The following POMC variants were observed in gnomAD, a reference collection of about 807,000 sequenced individuals.
POMC encodes the protein proopiomelanocortin, also known as pro-opiomelanocortin.
In POMC, 19 loss-of-function variants were observed where a neutral mutation model predicts 18.5. The observed-to-expected ratio is 1.03, with a 90% CI of 0.72 to 1.51. POMC has a LOEUF of 1.51. POMC is among the 40% of genes most tolerant of loss of function. POMC has a pLI of 0.00. For synonymous variants in POMC, 179 were observed against 161.9 expected, an observed-to-expected ratio of 1.11 and a Z score of -0.80; for missense variants, 451 against 379.0, an observed-to-expected ratio of 1.19 and a Z score of -1.58.
chr2:25,167,730 C>A (rs1000414528), intron 1 of POMC, among the ~76,000 whole-genome samples: 3 of 152,218 alleles, frequency 2.0e-5, no homozygotes, highest in Non-Finnish European at 2.9e-5. Flanking sequence ...ATCCGGAAGG[C>A]AGGGCGTTCA....
At position 25,165,467 on chromosome 2, in the gene POMC, T is replaced by C. The variant is rs182121841; in HGVS notation, c.-20-675A>G. On this transcript the variant is annotated intron_variant, in intron 1 of 2. Transcript: ENST00000395826. ...ACTATTACCCAGACTCCAGTAACTT[T>C]GGAGAGCTTCGTTTTTAAAGCAGAT... 5.8e-4 allele frequency among the ~76,000 whole-genome samples: 89 copies of C among 152,372 alleles called. No homozygotes were observed. Among genetic ancestry groups the C allele is most frequent in the Non-Finnish European group, 8.4e-4 (57 of 68,032 alleles).
chr2:25,164,555 C>G lies in POMC; in HGVS notation c.132+86G>C. ...CGCCTATCACTGGGAATGAATTTCC[C>G]TTTCCCCACACCCTTTTCTTTTGAG... is the stretch of plus-strand genomic sequence containing the variant. On this transcript the variant is annotated intron_variant, in intron 2 of 2. Coordinates refer to ENST00000395826, the MANE Select transcript of POMC (RefSeq NM_000939.4). 1.9e-6 allele frequency: 3 copies of G among 1,598,822 alleles called. No homozygotes were observed. In the Admixed American group the frequency reaches 5.0e-5, roughly 27 times the overall value.
intron 2 of POMC, 77 bp downstream of exon 2, chr2:25,164,564 C>A: frequency 6.2e-7 from 1 of 1,605,540 alleles, no homozygotes; most frequent in South Asian, 1.1e-5. Flanking sequence ...CCTTTCCCCA[C>A]ACCCTTTTCT....
Position 25,164,717 on chromosome 2 carries a change from T to C in POMC, c.56A>G (p.Gln19Arg), listed in dbSNP as rs749738402. The change falls in exon 2 of 3, where the codon CAG (glutamine) becomes CGG (arginine). Residue 19 changes from glutamine (Q) to arginine (R), a missense_variant. By Grantham distance (43) the Gln-to-Arg change is conservative. Coordinates refer to ENST00000395826, the MANE Select transcript of POMC (RefSeq NM_000939.4). ...CCAGCCACGCACTTCCATGGAGGCC[T>C]GAAGCAGCAAGGCCAGCAACAGGGC... ...SGALLLALLL[Q>R]ASMEVRGWCL... 6.2e-7 allele frequency: 1 copy of C among 1,614,168 alleles called. No homozygotes were observed.
chr2:25,167,928 C>A (rs1377652349), intron 1 of POMC, among the ~76,000 whole-genome samples: 2 of 152,068 alleles, frequency 1.3e-5, no homozygotes, highest in African/African-American at 4.8e-5. Flanking sequence ...CCAAGGCGGG[C>A]GGATCACCTG....
chr2:25,162,420 A>G (rs1053081370), intron 2 of POMC, among the ~76,000 whole-genome samples: 1 of 152,092 alleles, frequency 6.6e-6, no homozygotes, highest in Admixed American at 6.5e-5. Context: ...ACTGCACTCC[A>G]CACTCCAGCC....
intron 1 of POMC, among the ~76,000 whole-genome samples, chr2:25,166,361 C>G (rs1030480573): frequency 1.3e-5 from 2 of 152,204 alleles, no homozygotes; most frequent in Admixed American, 6.5e-5. Context: ...TGCCAGTGAT[C>G]TATTCAAGTA....
Position 25,161,966 on chromosome 2 carries a change from C to G in POMC, c.133-214G>C, listed in dbSNP as rs1671409831. Among the ~76,000 whole-genome samples, 1 of 152,216 alleles carries G rather than the reference C, an allele frequency of 6.6e-6. No homozygotes were observed. Among genetic ancestry groups the G allele is most frequent in the South Asian group, 2.1e-4 (1 of 4,830 alleles). ...GTGGGCATCTAAGATCTTGCCACTGCCTCTTTTGTCCCATCCCCTTCATGC... is the reference window on the plus strand; with the variant it reads ...GTGGGCATCTAAGATCTTGCCACTGGCTCTTTTGTCCCATCCCCTTCATGC... On this transcript the variant is annotated intron_variant, in intron 2 of 2. Coordinates refer to ENST00000395826, the MANE Select transcript of POMC (RefSeq NM_000939.4). The surrounding 1 kb of genome is among the most constrained non-coding windows in gnomAD (Gnocchi z 5.7).
chr2:25,161,445 C>T lies in POMC; in HGVS notation c.440G>A (p.Gly147Asp), dbSNP rs1295735625. Residue 147 changes from glycine (G) to aspartate (D), a missense_variant, in exon 3 of 3, where the codon GGC becomes GAC. Transcript: ENST00000395826. This position sits in a 1 kb window ranked among gnomAD's most constrained non-coding sequence, Gnocchi z 5.7. ...GCGCCGCTTCTTGCCCACCGGCTTG[C>T]CCCAGCGGAAGTGCTCCATGGAGTA... ...RSYSMEHFRWGKPVGKKRRPV... is the reference protein window; with the variant it reads ...RSYSMEHFRWDKPVGKKRRPV... 1.9e-6 allele frequency: 3 copies of T among 1,610,288 alleles called. No homozygotes were observed. Among genetic ancestry groups the T allele is most frequent in the Admixed American group, 1.7e-5 (1 of 59,800 alleles).
Position 25,161,406 on chromosome 2 carries a change from T to TACAC in POMC, c.475_478dup (p.Tyr160CysfsTer4). ...CGACTCGTCCTCGGCGCCGTTAGGG[T>TACAC]ACACCTTCACTGGGCGCCGCTTCTT... is the stretch of plus-strand genomic sequence containing the variant. On this transcript the variant is annotated frameshift_variant, in exon 3 of 3. Coordinates refer to ENST00000395826, the MANE Select transcript of POMC (RefSeq NM_000939.4). LOFTEE classifies it high-confidence loss of function. This position sits in a 1 kb window ranked among gnomAD's most constrained non-coding sequence, Gnocchi z 5.7. 1.2e-6 allele frequency: 2 copies of TACAC among 1,609,218 alleles called. No individual in the cohort carries two copies. Among genetic ancestry groups the TACAC allele is most frequent in the Non-Finnish European group, 8.5e-7 (1 of 1,178,602 alleles).
intron 1 of POMC, 155 bp from the exon 2 acceptor site, chr2:25,164,947 C>G (rs1671507429): frequency 1.4e-6 from 1 of 736,714 alleles, no homozygotes; most frequent in East Asian, 2.8e-5. Flanking sequence ...AGGAGGTGTG[C>G]AGTACAGCGG....
In POMC at chr2:25,161,731, G is replaced by T. The variant is rs1177846995; in HGVS notation, c.154C>A (p.Pro52Thr). 6.3e-7 allele frequency: 1 copy of T among 1,594,688 alleles called. No individual in the cohort carries two copies. Among genetic ancestry groups the T allele is most frequent in the Non-Finnish European group, 8.5e-7 (1 of 1,171,746 alleles). The change falls in exon 3 of 3, where the codon CCC (proline) becomes ACC (threonine). Residue 52 changes from proline (P) to threonine (T), a missense_variant. Physicochemically the swap from Pro to Thr is conservative, Grantham distance 38 (BLOSUM62 -1). Coordinates refer to ENST00000395826, the MANE Select transcript of POMC (RefSeq NM_000939.4). The surrounding 1 kb of genome is among the most constrained non-coding windows in gnomAD (Gnocchi z 5.7). The stretch of plus-strand genomic sequence containing the variant: ...ATGGGAGTCTCGGCCGAGAGGTCGG[G>T]CTTGCAGGCCCGGATGCACTCCTGG... ...NLLECIRACK[P>T]DLSAETPMFP...
Position 25,161,155 on chromosome 2 carries a change from C to A in POMC, c.730G>T (p.Glu244Ter). Residue 244 changes from glutamate (E) to a stop codon, truncating the protein, a stop_gained, in exon 3 of 3, where the codon GAG becomes TAG. Coordinates refer to ENST00000395826, the MANE Select transcript of POMC (RefSeq NM_000939.4). LOFTEE classifies it high-confidence loss of function. The surrounding 1 kb of genome is among the most constrained non-coding windows in gnomAD (Gnocchi z 5.7). ...GTCACCAGGGGCGTCTGGCTCTTCT[C>A]GGAGGTCATGAAACCGCCGTAGCGC... ...DKRYGGFMTS[E>*]KSQTPLVTLF... is the part of the protein sequence containing the mutation. 1 of 1,613,854 alleles carries A rather than the reference C, an allele frequency of 6.2e-7. No individual in the cohort carries two copies. The highest frequency in any genetic ancestry group is 1.1e-5 in the South Asian group (1 of 91,064).
At chr2:25,162,287 T>TATAAATAAATA (rs1037283157) in intron 2 of POMC, among the ~76,000 whole-genome samples, 7 of 151,874 alleles carry the variant, frequency 4.6e-5, no homozygotes, top group African/African-American at 1.2e-4. Context: ...CCATCTCTAG[T>TATAAATAAATA]ATAAATAAAT....
rs8192604 is a variant in POMC at position 25,167,964 on chromosome 2, A to G, written c.-21+534T>C. 2.0e-3 allele frequency among the ~76,000 whole-genome samples: 311 copies of G among 152,016 alleles called. 1 individual carries two copies. The highest frequency in any genetic ancestry group is 3.4e-3 in the Non-Finnish European group (233 of 67,964). ...TTGTCGGGAGTTTGAGACCAGCCTG[A>G]CCAACATGGAGAAACTCCGTCTCTA... is the stretch of plus-strand genomic sequence containing the variant. On this transcript the variant is annotated intron_variant, in intron 1 of 2. Transcript: ENST00000395826.
rs1309309854 is a variant in POMC, at chr2:25,161,749, A to G, written c.136T>C (p.Cys46Arg). Residue 46 changes from cysteine to arginine, a missense_variant, in exon 3 of 3, where the codon TGC becomes CGC. Coordinates refer to ENST00000395826, the MANE Select transcript of POMC (RefSeq NM_000939.4). This position sits in a 1 kb window ranked among gnomAD's most constrained non-coding sequence, Gnocchi z 5.7. ...DLTTESNLLECIRACKPDLSA... is the reference protein window; with the variant it reads ...DLTTESNLLERIRACKPDLSA... Reference sequence around the variant, plus strand: ...AGGTCGGGCTTGCAGGCCCGGATGCACTCCTGGGGGAAGACGCGAGGGCAT... The same window carrying G: ...AGGTCGGGCTTGCAGGCCCGGATGCGCTCCTGGGGGAAGACGCGAGGGCAT... 7 of 1,590,722 alleles carry G rather than the reference A, an allele frequency of 4.4e-6. No homozygotes were observed. The African/African-American group carries it at 6.8e-5, about 15-fold the overall frequency.
At chr2:25,167,529 T>C (rs1214757974) in intron 1 of POMC, among the ~76,000 whole-genome samples, 2 of 152,160 alleles carry the variant, frequency 1.3e-5, no homozygotes, top group African/African-American at 4.8e-5. Context: ...AACTAGACAG[T>C]GCGTTTCAGG....
chr2:25,161,027 G>A lies in POMC; in HGVS notation c.*54C>T, dbSNP rs35023083. The A allele has an allele frequency of 6.2e-7, 1 of 1,611,926 alleles. No homozygotes were observed. The highest frequency in any genetic ancestry group is 1.3e-5 in the African/African-American group (1 of 74,994). ...CGGCAGCAGGGCAGGGGAGAGCAAG[G>A]GGCTTTGGGGTCGACCTCCTGGGGG... On this transcript the variant is annotated 3_prime_UTR_variant, in exon 3 of 3. Transcript: ENST00000395826. The surrounding 1 kb of genome is among the most constrained non-coding windows in gnomAD (Gnocchi z 5.7).
At position 25,168,012 on chromosome 2, in the gene POMC, G is replaced by A. The variant is rs1283642614; in HGVS notation, c.-21+486C>T. Among the ~76,000 whole-genome samples, 1 of 152,112 alleles carries A rather than the reference G, an allele frequency of 6.6e-6. No homozygotes were observed. The highest frequency in any genetic ancestry group is 1.5e-5 in the Non-Finnish European group (1 of 68,016). ...CTACTAAAAATACAAAAATTAGCCGGGCGTGGTGGCGCATGCCTGTAATCC... is the reference window on the plus strand; with the variant it reads ...CTACTAAAAATACAAAAATTAGCCGAGCGTGGTGGCGCATGCCTGTAATCC... On this transcript the variant is annotated intron_variant, in intron 1 of 2. Coordinates refer to ENST00000395826, the MANE Select transcript of POMC (RefSeq NM_000939.4). The surrounding 1 kb of genome is among the most constrained non-coding windows in gnomAD (Gnocchi z 5.2).
Sources: gnomAD v4.1 joint callset for allele counts (sites outside exome capture counted in the v4.1 genomes callset) on GRCh38, gnomAD v4.1.1 for gene constraint, Gnocchi (gnomAD v3.1) non-coding constraint, MANE v1.5 for transcripts, NCBI Gene and HGNC (gene_info 2026-07-23, HGNC 2026-07-21) for gene names.